APLF: variants seen among roughly 807,000 people sequenced by gnomAD.
The protein encoded by APLF is aprataxin and PNKP like factor, also known as aprataxin and PNK-like factor.
A neutral mutation model predicts 55.6 loss-of-function variants in APLF; 61 were observed. The observed-to-expected ratio is 1.10, with a 90% CI of 0.89 to 1.36. The LOEUF (loss-of-function observed/expected upper bound fraction) is 1.36, where lower values mean the gene tolerates loss of function less well. Ranked by LOEUF, APLF falls within the 40% of genes most tolerant of loss-of-function variation. APLF has a pLI of 0.00. For synonymous variants in APLF, 207 were observed against 214.8 expected, an observed-to-expected ratio of 0.96 and a Z score of 0.32; for missense variants, 611 against 602.5, an observed-to-expected ratio of 1.01 and a Z score of -0.15.
chr2:68,498,370 A>G (rs927493654), intron 2 of APLF, among the ~76,000 whole-genome samples: 2 of 152,242 alleles, frequency 1.3e-5, no homozygotes, highest in African/African-American at 4.8e-5. Context: ...TATTTAAGTG[A>G]TTAAATGGTT....
chr2:68,543,859 T>G (rs1445241204), intron 7 of APLF, among the ~76,000 whole-genome samples: 2 of 152,200 alleles, frequency 1.3e-5, no homozygotes, highest in African/African-American at 2.4e-5. Context: ...TATTTTCATT[T>G]AAGTTCAAAG....
chr2:68,500,438 G>A (rs1012840323), intron 2 of APLF, among the ~76,000 whole-genome samples: 3 of 152,118 alleles, frequency 2.0e-5, no homozygotes, highest in Admixed American at 6.5e-5. Flanking sequence ...AGAATATTGC[G>A]TGATCTCTGG....
chr2:68,489,346 G>A (rs555415066), intron 1 of APLF, among the ~76,000 whole-genome samples: 1 of 152,214 alleles, frequency 6.6e-6, no homozygotes, highest in African/African-American at 2.4e-5. Flanking sequence ...AGGTTACCAA[G>A]AGATGGGTCA....
At chr2:68,538,277 A>G in intron 7 of APLF, 50 bp downstream of exon 7, 1 of 1,475,300 alleles carries the variant, frequency 6.8e-7, no homozygotes, top group African/African-American at 1.4e-5. Context: ...GATAGCGTGT[A>G]GCTATGTAGA....
chr2:68,513,338 A>G, intron 4 of APLF, 111 bp downstream of exon 4: 1 of 1,338,732 alleles, frequency 7.5e-7, no homozygotes, highest in Non-Finnish European at 1.0e-6. Context: ...GCATTTATCT[A>G]CTTTTGCTGA....
intron 6 of APLF, among the ~76,000 whole-genome samples, chr2:68,536,220 A>T (rs1284747465): frequency 6.6e-6 from 1 of 152,138 alleles, no homozygotes; most frequent in African/African-American, 2.4e-5. Flanking sequence ...CATGACATGA[A>T]TGTTGCCAGT....
chr2:68,511,459 G>A (rs907272890), intron 3 of APLF, among the ~76,000 whole-genome samples: 9 of 151,354 alleles, frequency 5.9e-5, no homozygotes, highest in Middle Eastern at 3.4e-3. Flanking sequence ...TTTTTGTTAC[G>A]TTTATTGTGG....
chr2:68,504,187 G>A (rs1028043274), intron 3 of APLF, among the ~76,000 whole-genome samples: 1 of 151,932 alleles, frequency 6.6e-6, no homozygotes, highest in Non-Finnish European at 1.5e-5. Flanking sequence ...CATAATTTAA[G>A]TATTTCCCAT....
intron 1 of APLF, among the ~76,000 whole-genome samples, chr2:68,487,847 A>T (rs900937051): frequency 4.6e-5 from 7 of 152,194 alleles, no homozygotes; most frequent in African/African-American, 1.4e-4. Flanking sequence ...GAACACTATA[A>T]ATGTCTGAGT....
chr2:68,497,536 A>T (rs1053736526), intron 2 of APLF, among the ~76,000 whole-genome samples: 1 of 151,592 alleles, frequency 6.6e-6, no homozygotes, highest in Non-Finnish European at 1.5e-5. Context: ...AGGCCTCCCC[A>T]GCCATGCTGT....
At chr2:68,554,818 A>G (rs529234117) in intron 8 of APLF, among the ~76,000 whole-genome samples, 21 of 151,314 alleles carry the variant, frequency 1.4e-4, no homozygotes, top group African/African-American at 5.1e-4. Context: ...AGGGTTTTAG[A>G]AAAAAAAATC....
rs947923113 is a variant in APLF at position 68,540,954 on chromosome 2, GGATA to G, written c.1160+2732_1160+2735del. Among the ~76,000 whole-genome samples the G allele has an allele frequency of 3.3e-5, 5 of 152,284 alleles. No homozygotes were observed. The East Asian group carries it at 7.7e-4, about 23-fold the overall frequency. ...ATAATGCAGTTTAATATTGGTGCAAGGATAGATAAACAGTAATCAGTGCAAGAGA... is the reference window on the plus strand; with the variant it reads ...ATAATGCAGTTTAATATTGGTGCAAGGATAAACAGTAATCAGTGCAAGAGA... On this transcript the variant is annotated intron_variant, in intron 7 of 9. Coordinates refer to ENST00000303795, the MANE Select transcript of APLF (RefSeq NM_173545.3).
intron 8 of APLF, among the ~76,000 whole-genome samples, chr2:68,550,296 A>G (rs547812231): frequency 2.6e-5 from 4 of 152,154 alleles, no homozygotes; most frequent in Non-Finnish European, 5.9e-5. Context: ...CAGTGGCGCA[A>G]TCTCGGCTCT....
intron 8 of APLF, among the ~76,000 whole-genome samples, chr2:68,562,515 G>GTGCTGGAA (rs1478213940): frequency 2.0e-5 from 3 of 152,034 alleles, no homozygotes; most frequent in African/African-American, 7.2e-5. Context: ...GTTTGTATGT[G>GTGCTGGAA]TGCTGAAAAT....
chr2:68,477,762 G>A (rs915510847), intron 1 of APLF, among the ~76,000 whole-genome samples: 1 of 152,160 alleles, frequency 6.6e-6, no homozygotes, highest in Admixed American at 6.5e-5. Flanking sequence ...ATGGTGGAAG[G>A]CGAATGAGGC....
At position 68,526,121 on chromosome 2, in the gene APLF, CA is replaced by C; in HGVS notation, c.685del (p.Thr229ProfsTer8). On this transcript the variant is annotated frameshift_variant, in exon 6 of 10. Coordinates refer to ENST00000303795, the MANE Select transcript of APLF (RefSeq NM_173545.3). LOFTEE classifies it high-confidence loss of function. Reference protein sequence around the residue: ...EICKDKSQLNTTQQGRRQLIS... With the variant: ...EICKDKSQLNXTQQGRRQLIS... ...TGCAAAGATAAATCCCAGCTAAACA[CA>C]ACCCAGCAAGGAAGAAGGCAATTAA... 1 of 1,613,834 alleles carries C rather than the reference CA, an allele frequency of 6.2e-7. No homozygotes were observed. The highest frequency in any genetic ancestry group is 8.5e-7 in the Non-Finnish European group (1 of 1,179,960).
chr2:68,545,276 A>T lies in APLF; in HGVS notation c.1250A>T (p.Asp417Val). The change falls in exon 8 of 10, where the codon GAC becomes GTC. Residue 417 changes from aspartate to valine, a missense_variant. Asp to Val is a radical substitution (Grantham distance 152, BLOSUM62 -3). Transcript: ENST00000303795. ...ATCGTGGGCCAAGATGAGACTGATG[A>T]CCGGCCTGAATGTCCCTATGGACCA... ...VQIVGQDETD[D>V]RPECPYGPSC... 1.9e-6 allele frequency: 3 copies of T among 1,613,720 alleles called. No individual in the cohort carries two copies. Among genetic ancestry groups the T allele is most frequent in the Non-Finnish European group, 2.5e-6 (3 of 1,179,754 alleles).
At chr2:68,513,750 GA>G in intron 5 of APLF, 70 bp downstream of exon 5, 2 of 1,542,490 alleles carry the variant, frequency 1.3e-6, no homozygotes, top group South Asian at 1.2e-5. Context: ...CTTTTCTGAA[GA>G]AAAACTATAA....
rs778012081 is a variant in APLF at position 68,537,813 on chromosome 2, C to T, written c.805-59C>T. ...GATCTTGTAGTTTTGTGCTGTTATG[C>T]TCATATCTTTTTAAAAATGTTTCAT... On this transcript the variant is annotated intron_variant, in intron 6 of 9. Transcript: ENST00000303795. 1.4e-4 allele frequency: 179 copies of T among 1,261,630 alleles called. 1 individual carries two copies. The highest frequency in any genetic ancestry group is 5.2e-4 in the Admixed American group (21 of 40,568). 78.2% of individuals were successfully genotyped at this position (1,261,630 alleles called of 1,614,324 possible).
Sources: allele counts gnomAD v4.1 joint callset (sites outside exome capture counted in the v4.1 genomes callset), GRCh38; gene constraint gnomAD v4.1.1; transcripts MANE v1.5; gene names NCBI Gene and HGNC (gene_info 2026-07-23, HGNC 2026-07-21).